The following PTPRG variants were observed in gnomAD, a reference collection of about 807,000 sequenced individuals.
The protein encoded by PTPRG is receptor-type tyrosine-protein phosphatase gamma.
A neutral mutation model predicts 165.3 loss-of-function variants in PTPRG; 102 were observed. The observed-to-expected ratio is 0.62, with a 90% CI of 0.53 to 0.73. The LOEUF (loss-of-function observed/expected upper bound fraction) is 0.73, where lower values mean the gene tolerates loss of function less well. Among genes scored for constraint, PTPRG ranks in the 30% least tolerant of loss-of-function variants. The pLI is 0.00. For synonymous variants in PTPRG, 675 were observed against 669.5 expected (o/e 1.01, Z -0.13); for missense variants, 1,866 against 1,861.4 (o/e 1.00, Z -0.05).
At chr3:62,241,368 ATATTTGTGTGGGAGGCAAG>A (rs2106946507) in intron 14 of PTPRG, among the ~76,000 whole-genome samples, 1 of 152,210 alleles carries the variant, frequency 6.6e-6, no homozygotes, top group South Asian at 2.1e-4. Context: ...GCCCACCCAT[ATATTTGTGTGGGAGGCAAG>A]TGCATGATGT....
At chr3:61,856,089 T>G (rs2037098683) in intron 2 of PTPRG, among the ~76,000 whole-genome samples, 1 of 152,146 alleles carries the variant, frequency 6.6e-6, no homozygotes, top group African/African-American at 2.4e-5. Flanking sequence ...TCAAGTGTGA[T>G]GCCCTCAGTC....
rs140262046 is a variant in PTPRG at position 62,157,005 on chromosome 3, T to C, written c.683-62T>C. Reference sequence around the variant, plus strand: ...CAGCATGCCGAGGGTGTTGACTGTGTCTGCGGCTCGGAATGGCATGACTTA... The same window carrying C: ...CAGCATGCCGAGGGTGTTGACTGTGCCTGCGGCTCGGAATGGCATGACTTA... On this transcript the variant is annotated intron_variant, in intron 6 of 29. Transcript: ENST00000474889. The C allele has an allele frequency of 3.8e-4, 552 of 1,449,222 alleles. No homozygotes were observed. In the African/African-American group the frequency reaches 6.6e-3, roughly 17 times the overall value. The allele number at this position is 1,449,222 out of a possible 1,614,324, so 89.8% of individuals were successfully genotyped here.
At position 62,203,855 on chromosome 3, in the gene PTPRG, G is replaced by A; in HGVS notation, c.2060G>A (p.Gly687Glu). 6.2e-7 allele frequency: 1 copy of A among 1,614,136 alleles called. No individual in the cohort carries two copies. ...ACCGCCACAGAGGAGCAGTATGCAG[G>A]GAGTGATCCCAAGAGGCCCGAAATG... ...PPTATEEQYA[G>E]SDPKRPEMPS... The change falls in exon 12 of 30, where the codon GGG becomes GAG. Residue 687 changes from glycine to glutamate, a missense_variant. Transcript: ENST00000474889. The surrounding 1 kb of genome is among the most constrained non-coding windows in gnomAD (Gnocchi z 6.4).
intron 1 of PTPRG, among the ~76,000 whole-genome samples, chr3:61,705,939 G>A (rs1207502163): frequency 1.3e-5 from 2 of 152,176 alleles, no homozygotes; most frequent in Non-Finnish European, 2.9e-5. Flanking sequence ...TTTCCCCTAA[G>A]ATGTTGTGCC....
At chr3:61,880,963 T>A (rs527692493) in intron 2 of PTPRG, among the ~76,000 whole-genome samples, 6 of 144,238 alleles carry the variant, frequency 4.2e-5, no homozygotes, top group East Asian at 4.1e-4. Context: ...TTTTTTTTTT[T>A]AATTTTAAAT....
chr3:61,984,263 GAT>G (rs1280737357), intron 2 of PTPRG, among the ~76,000 whole-genome samples: 1 of 152,158 alleles, frequency 6.6e-6, no homozygotes, highest in Admixed American at 6.5e-5. Context: ...TTAAGCTAAT[GAT>G]GTTTTTCTTA....
chr3:61,967,027 AT>A (rs563476916), intron 2 of PTPRG, among the ~76,000 whole-genome samples: 146 of 152,328 alleles, frequency 9.6e-4, no homozygotes, highest in African/African-American at 3.4e-3. Flanking sequence ...TGAAACTCAG[AT>A]TGGTGCTCCC....
At chr3:61,638,571 C>T (rs1701979869) in intron 1 of PTPRG, among the ~76,000 whole-genome samples, 1 of 144,680 alleles carries the variant, frequency 6.9e-6, no homozygotes, top group Non-Finnish European at 1.5e-5. Context: ...ACTACAGGCA[C>T]ACACCACCAT....
At chr3:62,289,639 G>A (rs1702802234) in intron 28 of PTPRG, among the ~76,000 whole-genome samples, 2 of 145,856 alleles carry the variant, frequency 1.4e-5, no homozygotes, top group Admixed American at 7.0e-5. Context: ...CATTTTAAGA[G>A]ACATTTCAAA....
intron 2 of PTPRG, among the ~76,000 whole-genome samples, chr3:61,825,882 C>T (rs935159459): frequency 2.0e-5 from 3 of 152,070 alleles, no homozygotes. Context: ...AACTTCTAGA[C>T]TCAAGTAATT....
intron 1 of PTPRG, among the ~76,000 whole-genome samples, chr3:61,706,081 T>G (rs12490618): frequency 0.12 from 17,955 of 152,172 alleles, 1,357 homozygotes; most frequent in East Asian, 0.17. Context: ...TTATGAGGAA[T>G]GTGATTTCAG....
intron 5 of PTPRG, among the ~76,000 whole-genome samples, chr3:62,087,133 A>G (rs1701778887): frequency 6.6e-6 from 1 of 152,224 alleles, no homozygotes; most frequent in Non-Finnish European, 1.5e-5. Flanking sequence ...TCGTAAACTC[A>G]GAGAAGATCT....
intron 2 of PTPRG, among the ~76,000 whole-genome samples, chr3:61,945,062 C>G (rs757903817): frequency 7.9e-5 from 12 of 152,188 alleles, no homozygotes; most frequent in Non-Finnish European, 1.2e-4. Context: ...CTCCACTCTG[C>G]TCTTCTGTGA....
At chr3:61,824,312 G>A (rs551546873) in intron 2 of PTPRG, among the ~76,000 whole-genome samples, 1 of 152,302 alleles carries the variant, frequency 6.6e-6, no homozygotes, top group Non-Finnish European at 1.5e-5. Flanking sequence ...TGAGAAGCCA[G>A]GTTAAATTTT....
chr3:61,696,616 C>G (rs552854329), intron 1 of PTPRG, among the ~76,000 whole-genome samples: 1 of 152,320 alleles, frequency 6.6e-6, no homozygotes, highest in Admixed American at 6.5e-5. Context: ...AATACACTTT[C>G]TTTTGTATTC....
intron 2 of PTPRG, among the ~76,000 whole-genome samples, chr3:61,785,370 G>A (rs1311301378): frequency 1.3e-5 from 2 of 152,138 alleles, no homozygotes; most frequent in Non-Finnish European, 1.5e-5. Context: ...CTAGAACATT[G>A]TAGAAGAGAG....
At chr3:61,826,841 T>A (rs536576503) in intron 2 of PTPRG, among the ~76,000 whole-genome samples, 36 of 151,106 alleles carry the variant, frequency 2.4e-4, no homozygotes, top group Middle Eastern at 3.4e-3. Flanking sequence ...GTTTTTTTTT[T>A]TTTTTTTCCG....
chr3:61,911,395 G>T (rs1202621975), intron 2 of PTPRG, among the ~76,000 whole-genome samples: 1 of 152,092 alleles, frequency 6.6e-6, no homozygotes, highest in Non-Finnish European at 1.5e-5. Flanking sequence ...CATCACTTTG[G>T]CTTCCTATGT....
intron 4 of PTPRG, among the ~76,000 whole-genome samples, chr3:62,040,638 A>G (rs1192996490): frequency 6.6e-6 from 1 of 151,942 alleles, no homozygotes; most frequent in African/African-American, 2.4e-5. Context: ...TATTTTCAGT[A>G]GAGTTGGGAT....
Sources: allele counts gnomAD v4.1 joint callset (sites outside exome capture counted in the v4.1 genomes callset), GRCh38; gene constraint gnomAD v4.1.1; non-coding constraint Gnocchi (gnomAD v3.1); transcripts MANE v1.5; gene names NCBI Gene and HGNC (gene_info 2026-07-23, HGNC 2026-07-21).